The following ATXN1 variants were observed in gnomAD, a reference collection of about 807,000 sequenced individuals.
ATXN1 encodes ataxin-1.
A neutral mutation model predicts 56.4 loss-of-function variants in ATXN1; 8 were observed. That is an observed-to-expected ratio of 0.14 (90% CI 0.08 to 0.26). The LOEUF is 0.26. ATXN1 is among the 10% of genes least tolerant of loss of function. The pLI, the probability that ATXN1 is intolerant of heterozygous loss-of-function variation, is 1.00. For synonymous variants in ATXN1, 514 were observed against 494.6 expected (o/e 1.04, Z -0.52); for missense variants, 987 against 1,106.5 (o/e 0.89, Z 1.53).
chr6:16,521,678 C>T (rs1024439889), intron 5 of ATXN1, among the ~76,000 whole-genome samples: 11 of 152,330 alleles, frequency 7.2e-5, no homozygotes, highest in African/African-American at 1.9e-4. Context: ...TGCAGACAAC[C>T]GCGAGTCGGG....
At chr6:16,391,328 TTCAA>T (rs886897361) in intron 6 of ATXN1, among the ~76,000 whole-genome samples, 1 of 152,090 alleles carries the variant, frequency 6.6e-6, no homozygotes, top group African/African-American at 2.4e-5. Flanking sequence ...TTGTGCACAA[TTCAA>T]TCAGAGGTTC....
At chr6:16,655,604 T>C (rs1039786989) in intron 3 of ATXN1, among the ~76,000 whole-genome samples, 18 of 152,038 alleles carry the variant, frequency 1.2e-4, no homozygotes, top group African/African-American at 4.3e-4. Context: ...ACAGCCAGGA[T>C]AGTCCCAGTC....
chr6:16,467,377 C>T (rs974376743), intron 6 of ATXN1, among the ~76,000 whole-genome samples: 1 of 152,236 alleles, frequency 6.6e-6, no homozygotes, highest in Non-Finnish European at 1.5e-5. Context: ...CGGAGATATG[C>T]TCCTCATCCA....
intron 6 of ATXN1, among the ~76,000 whole-genome samples, chr6:16,371,263 A>T (rs1209226589): frequency 2.6e-5 from 4 of 152,226 alleles, no homozygotes; most frequent in Non-Finnish European, 5.9e-5. Context: ...TTGAACACTT[A>T]TGTGAACTAA....
intron 6 of ATXN1, among the ~76,000 whole-genome samples, chr6:16,402,714 AT>A (rs2113538657): frequency 6.6e-6 from 1 of 152,290 alleles, no homozygotes; most frequent in East Asian, 1.9e-4. Flanking sequence ...CCTCACTGAC[AT>A]TAACCAGGAG....
At chr6:16,751,511 G>C (rs886968835) in intron 2 of ATXN1, among the ~76,000 whole-genome samples, 1 of 151,894 alleles carries the variant, frequency 6.6e-6, no homozygotes, top group Non-Finnish European at 1.5e-5. Context: ...CAGTCACTCA[G>C]GTTTTTGTTT....
At chr6:16,423,349 T>C (rs1543359) in intron 6 of ATXN1, among the ~76,000 whole-genome samples, 50,545 of 152,046 alleles carry the variant, frequency 0.33, 9,214 homozygotes, top group African/African-American at 0.5. Context: ...ATAATTGAGA[T>C]GCTGTCATCA....
intron 3 of ATXN1, among the ~76,000 whole-genome samples, chr6:16,606,149 A>AAAAC (rs1029123348): frequency 2.5e-4 from 34 of 136,570 alleles, no homozygotes; most frequent in African/African-American, 9.0e-4. Flanking sequence ...CCCTGTCTCA[A>AAAAC]AAACAAACAA....
intron 3 of ATXN1, among the ~76,000 whole-genome samples, chr6:16,625,092 T>C (rs1561783811): frequency 6.6e-6 from 1 of 152,192 alleles, no homozygotes; most frequent in Non-Finnish European, 1.5e-5. Context: ...ATGCCATCCT[T>C]ATGCCTAGAA....
intron 2 of ATXN1, among the ~76,000 whole-genome samples, chr6:16,701,626 G>C (rs769931611): frequency 6.6e-6 from 1 of 152,130 alleles, no homozygotes; most frequent in Non-Finnish European, 1.5e-5. Context: ...GATAAGCAAC[G>C]TCAGCAAAGT....
chr6:16,539,374 T>C (rs1761668702), intron 4 of ATXN1, among the ~76,000 whole-genome samples: 1 of 152,192 alleles, frequency 6.6e-6, no homozygotes, highest in East Asian at 1.9e-4. Flanking sequence ...GAGGCCTATG[T>C]ATTTTGCTCT....
At chr6:16,379,130 G>A (rs1561873406) in intron 6 of ATXN1, among the ~76,000 whole-genome samples, 1 of 152,210 alleles carries the variant, frequency 6.6e-6, no homozygotes, top group East Asian at 1.9e-4. Flanking sequence ...TGAGATTGGA[G>A]ACTATTATTC....
chr6:16,639,911 T>C (rs1763676790), intron 3 of ATXN1, among the ~76,000 whole-genome samples: 1 of 152,190 alleles, frequency 6.6e-6, no homozygotes, highest in South Asian at 2.1e-4. Flanking sequence ...TCTCCAACAG[T>C]AGGCATCACA....
chr6:16,552,230 A>G (rs1447171061), intron 4 of ATXN1, among the ~76,000 whole-genome samples: 3 of 152,220 alleles, frequency 2.0e-5, no homozygotes, highest in Admixed American at 1.3e-4. Flanking sequence ...TAAACATTCT[A>G]TGCCACTGTA....
rs1760202759 is a variant in ATXN1 at position 16,304,790 on chromosome 6, A to G, written c.*1539T>C. ...GAATATCACACAAGTTATAAACTCAATATGTGCAAATCGCAAGGTTCTTTA... is the reference window on the plus strand; with the variant it reads ...GAATATCACACAAGTTATAAACTCAGTATGTGCAAATCGCAAGGTTCTTTA... On this transcript the variant is annotated 3_prime_UTR_variant, in exon 8 of 8. Transcript: ENST00000436367. The G allele has an allele frequency of 6.5e-6, 1 of 152,688 alleles. No homozygotes were observed. The highest frequency in any genetic ancestry group is 1.5e-5 in the Non-Finnish European group (1 of 68,040). 9.5% of individuals were successfully genotyped at this position (152,688 alleles called of 1,614,324 possible).
At chr6:16,566,764 G>A (rs1255861326) in intron 4 of ATXN1, among the ~76,000 whole-genome samples, 1 of 152,090 alleles carries the variant, frequency 6.6e-6, no homozygotes, top group East Asian at 1.9e-4. Flanking sequence ...GCTGAGGCAG[G>A]AGAATCGCTT....
intron 5 of ATXN1, among the ~76,000 whole-genome samples, chr6:16,513,172 A>C (rs1222864095): frequency 2.0e-5 from 3 of 152,160 alleles, no homozygotes; most frequent in African/African-American, 7.2e-5. Flanking sequence ...CATATTAAAA[A>C]CCCAGCAACA....
chr6:16,554,179 G>A (rs932046685), intron 4 of ATXN1, among the ~76,000 whole-genome samples: 1 of 152,210 alleles, frequency 6.6e-6, no homozygotes, highest in Non-Finnish European at 1.5e-5. Context: ...GGGCTAAAAT[G>A]ATCAACTCCA....
In ATXN1 at chr6:16,346,808, G is replaced by A. The variant is rs1169260408; in HGVS notation, c.-160-18338C>T. On this transcript the variant is annotated intron_variant, in intron 6 of 7. Coordinates refer to ENST00000436367, the MANE Select transcript of ATXN1 (RefSeq NM_001128164.2). Reference sequence around the variant, plus strand: ...CTCTTGAGGAGCCCTTCACCCCGCCGCTGCACTGTGGGACCTCTTTCTGGG... The same window carrying A: ...CTCTTGAGGAGCCCTTCACCCCGCCACTGCACTGTGGGACCTCTTTCTGGG... Among the ~76,000 whole-genome samples, 3 of 152,176 alleles carry A rather than the reference G, an allele frequency of 2.0e-5. No individual in the cohort carries two copies. The East Asian group carries it at 5.8e-4, about 29-fold the overall frequency.
Sources: gnomAD v4.1 joint callset for allele counts (sites outside exome capture counted in the v4.1 genomes callset) on GRCh38, gnomAD v4.1.1 for gene constraint, MANE v1.5 for transcripts, NCBI Gene and HGNC (gene_info 2026-07-23, HGNC 2026-07-21) for gene names.